Variants in MYO16 observed in about 807,000 individuals in gnomAD.
MYO16 encodes myosin XVI.
MYO16 carries 94 observed loss-of-function variants against 205.3 expected under a neutral mutation model. The observed-to-expected ratio is 0.46, with a 90% CI of 0.39 to 0.54. The LOEUF (loss-of-function observed/expected upper bound fraction) is 0.54, where lower values mean the gene tolerates loss of function less well. Ranked by LOEUF, MYO16 falls within the 20% of genes least tolerant of loss-of-function variation. The pLI is 0.00. For synonymous variants in MYO16, 988 were observed against 954.0 expected, an observed-to-expected ratio of 1.04 and a Z score of -0.66; for missense variants, 2,315 against 2,387.5, an observed-to-expected ratio of 0.97 and a Z score of 0.63.
intron 1 of MYO16, among the ~76,000 whole-genome samples, chr13:108,617,363 T>C (rs1879384249): frequency 6.6e-6 from 1 of 152,164 alleles, no homozygotes; most frequent in African/African-American, 2.4e-5. Flanking sequence ...TCATACGCCC[T>C]CATTCCCTCA....
intron 10 of MYO16, among the ~76,000 whole-genome samples, chr13:108,850,212 A>G (rs112967626): frequency 1.4e-4 from 22 of 152,260 alleles, no homozygotes; most frequent in African/African-American, 5.1e-4. Flanking sequence ...AGGTCAGACC[A>G]TCTCTGTTGC....
At chr13:108,636,369 T>TTTGTG (rs1555333960) in intron 1 of MYO16, among the ~76,000 whole-genome samples, 2 of 51,366 alleles carry the variant, frequency 3.9e-5, no homozygotes, top group Non-Finnish European at 8.4e-5. Context: ...TTTTTTTTTT[T>TTTGTG]TGTGTGTGTG....
intron 4 of MYO16, among the ~76,000 whole-genome samples, chr13:108,776,024 T>C (rs980017276): frequency 1.3e-5 from 2 of 152,156 alleles, no homozygotes; most frequent in Non-Finnish European, 2.9e-5. Context: ...TGTTATAACC[T>C]GAGAAACAGC....
At chr13:108,810,725 G>C (rs773496875) in intron 7 of MYO16, among the ~76,000 whole-genome samples, 1 of 152,122 alleles carries the variant, frequency 6.6e-6, no homozygotes, top group Admixed American at 6.5e-5. Context: ...AAAAGCGTTA[G>C]AAATGTGAAC....
chr13:109,099,622 A>C (rs1888894862), intron 27 of MYO16, among the ~76,000 whole-genome samples: 1 of 152,146 alleles, frequency 6.6e-6, no homozygotes, highest in Non-Finnish European at 1.5e-5. Flanking sequence ...GATACATTCT[A>C]TCCATGGCAG....
chr13:108,565,166 C>T, the MYO16 span, among the ~76,000 whole-genome samples: 1 of 152,142 alleles, frequency 6.6e-6, no homozygotes, highest in Non-Finnish European at 1.5e-5. Flanking sequence ...GTTTTAGAAT[C>T]TTCTAATTCT....
chr13:108,583,403 G>C, the MYO16 span, among the ~76,000 whole-genome samples: 1 of 152,132 alleles, frequency 6.6e-6, no homozygotes, highest in Non-Finnish European at 1.5e-5. Context: ...ACTTTACTTA[G>C]GCAGAAAAGC....
intron 32 of MYO16, among the ~76,000 whole-genome samples, chr13:109,148,141 T>C (rs1877443121): frequency 6.6e-6 from 1 of 152,306 alleles, no homozygotes; most frequent in Middle Eastern, 3.4e-3. Context: ...TAATACTGTG[T>C]TCATCTACAC....
At chr13:109,023,670 AATATATGTATATATACATATATATGT>A (rs1164755343) in intron 23 of MYO16, among the ~76,000 whole-genome samples, 1 of 64,874 alleles carries the variant, frequency 1.5e-5, no homozygotes, top group Non-Finnish European at 3.2e-5. Flanking sequence ...TATATATGCA[AATATATGTATATATACATATATATGT>A]ATATATGTAT....
chr13:108,599,945 A>G (rs1878704309), intron 1 of MYO16, among the ~76,000 whole-genome samples: 1 of 152,160 alleles, frequency 6.6e-6, no homozygotes, highest in African/African-American at 2.4e-5. Context: ...AAAGTTTGGG[A>G]AAATTTTCTT....
At chr13:108,693,034 C>T (rs1882959344) in intron 2 of MYO16, among the ~76,000 whole-genome samples, 1 of 152,132 alleles carries the variant, frequency 6.6e-6, no homozygotes, top group Non-Finnish European at 1.5e-5. Flanking sequence ...TAATTATCCC[C>T]AAAGTTGCTG....
At position 108,961,649 on chromosome 13, in the gene MYO16, G is replaced by C. The variant is rs752219796; in HGVS notation, c.2148G>C (p.Leu716=). 2 of 1,611,352 alleles carry C rather than the reference G, an allele frequency of 1.2e-6. No individual in the cohort carries two copies. The highest frequency in any genetic ancestry group is 1.7e-6 in the Non-Finnish European group (2 of 1,177,506). ...CCTTCGTTTCTGACCTCCAGCTCCT[G>C]GAACAAGGTCAGTGGAACATGACCT... is the stretch of plus-strand genomic sequence containing the variant. ...NSAFVSDLQL[L]EQVAGMLQVS... The change falls in exon 18 of 35, where the codon CTG becomes CTC. Residue 716 remains leucine, a synonymous_variant. Transcript: ENST00000457511.
chr13:109,010,379 C>A (rs553700027), intron 22 of MYO16, among the ~76,000 whole-genome samples: 1 of 152,240 alleles, frequency 6.6e-6, no homozygotes, highest in South Asian at 2.1e-4. Context: ...ATCCAGAAAA[C>A]ATAACACACA....
At chr13:108,691,781 T>C (rs1882906528) in intron 2 of MYO16, among the ~76,000 whole-genome samples, 1 of 152,214 alleles carries the variant, frequency 6.6e-6, no homozygotes. Context: ...ACCAATTCTT[T>C]TGGGTTTAAA....
At chr13:108,979,341 A>G (rs277793) in intron 20 of MYO16, among the ~76,000 whole-genome samples, 32,669 of 151,646 alleles carry the variant, frequency 0.22, 3,697 homozygotes, top group African/African-American at 0.25. Flanking sequence ...AATACCTCTT[A>G]GTATATTCCA....
chr13:109,079,361 T>C (rs1888211190), intron 27 of MYO16, among the ~76,000 whole-genome samples: 1 of 148,828 alleles, frequency 6.7e-6, no homozygotes, highest in Non-Finnish European at 1.5e-5. Flanking sequence ...TTTATTTATT[T>C]TCTATATGAG....
At chr13:108,527,758 T>C in the MYO16 span, among the ~76,000 whole-genome samples, 1 of 152,256 alleles carries the variant, frequency 6.6e-6, no homozygotes, top group Non-Finnish European at 1.5e-5. Context: ...GTAAGGATTA[T>C]TAATGTAGGA....
chr13:108,668,447 G>T (rs573277218), intron 2 of MYO16, among the ~76,000 whole-genome samples: 6 of 152,274 alleles, frequency 3.9e-5, no homozygotes, highest in Non-Finnish European at 7.4e-5. Flanking sequence ...AAATTATCAC[G>T]AATTTAATAG....
intron 2 of MYO16, among the ~76,000 whole-genome samples, chr13:108,667,103 T>C (rs1361407879): frequency 5.9e-5 from 9 of 152,222 alleles, no homozygotes; most frequent in African/African-American, 2.2e-4. Flanking sequence ...GACCTACTTA[T>C]GGTTTATAAC....
Sources: allele counts gnomAD v4.1 joint callset (sites outside exome capture counted in the v4.1 genomes callset), GRCh38; gene constraint gnomAD v4.1.1; transcripts MANE v1.5; gene names NCBI Gene and HGNC (gene_info 2026-07-23, HGNC 2026-07-21).